The following SOS1 variants were observed in gnomAD, a reference collection of about 807,000 sequenced individuals.
SOS1 encodes the protein SOS Ras/Rac guanine nucleotide exchange factor 1, also known as son of sevenless homolog 1.
SOS1 carries 25 observed loss-of-function variants against 157.6 expected under a neutral mutation model. The ratio of observed to expected loss-of-function variants is 0.16; its 90% CI spans 0.12 to 0.22. The LOEUF is 0.22. Among genes scored for constraint, SOS1 ranks in the 10% least tolerant of loss-of-function variants. SOS1 has a pLI of 1.00. For synonymous variants in SOS1, 528 were observed against 534.0 expected, an observed-to-expected ratio of 0.99 and a Z score of 0.16; for missense variants, 1,237 against 1,599.1, an observed-to-expected ratio of 0.77 and a Z score of 3.86.
chr2:39,008,896 G>A (rs1224580194), intron 15 of SOS1, among the ~76,000 whole-genome samples: 1 of 138,416 alleles, frequency 7.2e-6, no homozygotes, highest in African/African-American at 2.7e-5. Flanking sequence ...TGAAATGTCA[G>A]GTTTCCAGCA....
intron 8 of SOS1, among the ~76,000 whole-genome samples, chr2:39,025,413 A>G (rs1454228): frequency 0.93 from 141,903 of 151,850 alleles, 66,414 homozygotes; most frequent in African/African-American, 0.97. Context: ...GCAGCGGTGC[A>G]ATCTCAGCTC....
chr2:39,017,534 CTG>C (rs1669667931), intron 10 of SOS1, among the ~76,000 whole-genome samples: 1 of 151,938 alleles, frequency 6.6e-6, no homozygotes, highest in Non-Finnish European at 1.5e-5. Flanking sequence ...ATAATCATGA[CTG>C]TTGTATTAGG....
Position 39,056,856 on chromosome 2 carries a change from C to G in SOS1, c.356G>C (p.Gly119Ala), listed in dbSNP as rs777484168. ...KIHPLLKEVLGYKIDHQVSVY... is the reference protein window; with the variant it reads ...KIHPLLKEVLAYKIDHQVSVY... ...AGAAACCTGGTGGTCAATTTTATAA[C>G]CTAGGACCTCCTGCAAAATTAAAAG... The change falls in exon 4 of 23, where the codon GGT becomes GCT. Residue 119 changes from glycine to alanine, a missense_variant. By Grantham distance (60) the Gly-to-Ala change is moderately conservative (BLOSUM62 0). Coordinates refer to ENST00000402219, the MANE Select transcript of SOS1 (RefSeq NM_005633.4). 1 of 1,604,370 alleles carries G rather than the reference C, an allele frequency of 6.2e-7. No homozygotes were observed.
At chr2:39,011,719 CCTTA>C (rs1454122913) in intron 14 of SOS1, among the ~76,000 whole-genome samples, 1 of 152,074 alleles carries the variant, frequency 6.6e-6, no homozygotes, top group Non-Finnish European at 1.5e-5. Flanking sequence ...TTTATTGAGC[CCTTA>C]CTTTGTGCTA....
chr2:39,015,193 A>T (rs1669592184), intron 10 of SOS1, among the ~76,000 whole-genome samples: 1 of 151,916 alleles, frequency 6.6e-6, no homozygotes, highest in African/African-American at 2.4e-5. Context: ...CAGTTGGTTT[A>T]TCCCCCTTAT....
At chr2:39,061,057 A>G (rs919950857) in intron 2 of SOS1, among the ~76,000 whole-genome samples, 3 of 152,098 alleles carry the variant, frequency 2.0e-5, no homozygotes, top group Non-Finnish European at 2.9e-5. Context: ...ACCTCATTCC[A>G]GGTTTATTGT....
intron 2 of SOS1, among the ~76,000 whole-genome samples, chr2:39,066,513 C>T (rs777771245): frequency 2.0e-5 from 3 of 152,186 alleles, no homozygotes; most frequent in East Asian, 1.9e-4. Context: ...CGACTCCTTC[C>T]GAACTCAGTT....
At chr2:39,017,983 C>T (rs569413631) in intron 10 of SOS1, among the ~76,000 whole-genome samples, 4 of 151,824 alleles carry the variant, frequency 2.6e-5, no homozygotes, top group African/African-American at 9.6e-5. Context: ...TGTAAGAAAA[C>T]AGAATACCTA....
Position 39,022,794 on chromosome 2 carries a change from T to G in SOS1, c.1634A>C (p.Gln545Pro). 3.7e-6 allele frequency: 6 copies of G among 1,613,684 alleles called. No individual in the cohort carries two copies. Among genetic ancestry groups the G allele is most frequent in the Non-Finnish European group, 5.1e-6 (6 of 1,179,648 alleles). Residue 545 changes from glutamine (Q) to proline (P), a missense_variant, in exon 10 of 23, where the codon CAG (glutamine) becomes CCG (proline). Gln to Pro is a moderately conservative substitution (Grantham distance 76, BLOSUM62 -1). Transcript: ENST00000402219. Reference sequence around the variant, plus strand: ...CATCCTTTCCAGTGTACTCCGGTACTGTAAAGATATCAATGCTGCCATCCA... The same window carrying G: ...CATCCTTTCCAGTGTACTCCGGTACGGTAAAGATATCAATGCTGCCATCCA... ...NNWMAALISL[Q>P]YRSTLERMLD... is the part of the protein sequence containing the mutation.
At chr2:39,003,850 G>A (rs1449481735) in intron 17 of SOS1, among the ~76,000 whole-genome samples, 6 of 152,198 alleles carry the variant, frequency 3.9e-5, no homozygotes, top group Non-Finnish European at 8.8e-5. Flanking sequence ...TCTCAGCACT[G>A]CTGACTTTTT....
At chr2:39,032,347 C>T (rs991551616) in intron 8 of SOS1, among the ~76,000 whole-genome samples, 1 of 152,098 alleles carries the variant, frequency 6.6e-6, no homozygotes, top group Non-Finnish European at 1.5e-5. Context: ...CAGTCTTATA[C>T]TATTAATAGC....
rs377334620 is a variant in SOS1, at chr2:39,078,341, C to T, written c.88-10588G>A. Among the ~76,000 whole-genome samples, 11 of 152,260 alleles carry T rather than the reference C, an allele frequency of 7.2e-5. No homozygotes were observed. The East Asian group carries it at 7.7e-4, about 11-fold the overall frequency. On this transcript the variant is annotated intron_variant, in intron 1 of 22. Transcript: ENST00000402219. ...ACATAAAGAAATGTGAATTTTCACC[C>T]ATTACTGGTGGGAATATAAAATAAC...
intron 22 of SOS1, among the ~76,000 whole-genome samples, chr2:38,987,065 G>A (rs1433000293): frequency 6.6e-6 from 1 of 152,126 alleles, no homozygotes; most frequent in East Asian, 1.9e-4. Context: ...CCATTTAAAA[G>A]TATGTCAGAT....
At chr2:38,998,930 G>A (rs1003468411) in intron 17 of SOS1, among the ~76,000 whole-genome samples, 1 of 152,136 alleles carries the variant, frequency 6.6e-6, no homozygotes, top group Non-Finnish European at 1.5e-5. Context: ...TGCTTAAGGC[G>A]TTCCTGACCT....
At chr2:39,007,277 T>G in intron 15 of SOS1, 84 bp from the exon 16 acceptor site, 1 of 908,602 alleles carries the variant, frequency 1.1e-6, no homozygotes, top group South Asian at 1.3e-5. Context: ...AATAAAATAA[T>G]GTAGAGAGTA....
chr2:39,020,519 A>G (rs1669765200), intron 10 of SOS1, among the ~76,000 whole-genome samples: 4 of 151,862 alleles, frequency 2.6e-5, no homozygotes, highest in South Asian at 4.1e-4. Context: ...ATGTTCTCCA[A>G]TAAACATACC....
chr2:39,070,109 A>G (rs1256121872), intron 1 of SOS1, among the ~76,000 whole-genome samples: 2 of 152,206 alleles, frequency 1.3e-5, no homozygotes, highest in African/African-American at 4.8e-5. Flanking sequence ...TAACGTGTGT[A>G]GGTATCAAAC....
upstream of SOS1, among the ~76,000 whole-genome samples, chr2:39,122,982 T>A (rs1673946090): frequency 6.6e-6 from 1 of 152,176 alleles, no homozygotes; most frequent in South Asian, 2.1e-4. Context: ...TCAAACTTCT[T>A]ACCGTACCCC....
intron 1 of SOS1, among the ~76,000 whole-genome samples, chr2:39,073,101 T>C (rs1303231207): frequency 2.0e-5 from 3 of 152,336 alleles, no homozygotes; most frequent in Admixed American, 1.3e-4. Flanking sequence ...AAGTGCTCCA[T>C]TCCATCATAA....
Sources: allele counts gnomAD v4.1 joint callset (sites outside exome capture counted in the v4.1 genomes callset), GRCh38; gene constraint gnomAD v4.1.1; transcripts MANE v1.5; gene names NCBI Gene and HGNC (gene_info 2026-07-23, HGNC 2026-07-21).